USP32: variants seen among roughly 807,000 people sequenced by gnomAD.
USP32 encodes the protein ubiquitin carboxyl-terminal hydrolase 32.
In USP32, 59 loss-of-function variants were observed where a neutral mutation model predicts 204.8. That is an observed-to-expected ratio of 0.29 (90% CI 0.23 to 0.36). The LOEUF (loss-of-function observed/expected upper bound fraction) is 0.36. Ranked by LOEUF, USP32 falls within the 10% of genes least tolerant of loss-of-function variation. The pLI is 1.00. For missense variants in USP32, 1,160 were observed against 1,946.4 expected, an observed-to-expected ratio of 0.60 and a Z score of 7.60; for synonymous variants, 517 against 678.4, an observed-to-expected ratio of 0.76 and a Z score of 3.70.
intron 1 of USP32, among the ~76,000 whole-genome samples, chr17:60,351,214 CACA>C (rs2088939054): frequency 6.6e-6 from 1 of 152,040 alleles, no homozygotes; most frequent in South Asian, 2.1e-4. Flanking sequence ...ACCCTTGCAG[CACA>C]AGGCAATCAG....
intron 11 of USP32, among the ~76,000 whole-genome samples, chr17:60,237,316 T>A (rs2085758194): frequency 6.6e-6 from 1 of 151,432 alleles, no homozygotes; most frequent in African/African-American, 2.4e-5. Context: ...TTTTTTTTTT[T>A]TTTTTTTTTA....
chr17:60,387,167 G>A (rs1252751064), intron 1 of USP32, among the ~76,000 whole-genome samples: 1 of 152,158 alleles, frequency 6.6e-6, no homozygotes, highest in Admixed American at 6.5e-5. Flanking sequence ...TATGCTAAAC[G>A]AACTAACATC....
At chr17:60,183,769 C>A (rs1264852462) in intron 30 of USP32, among the ~76,000 whole-genome samples, 1 of 152,232 alleles carries the variant, frequency 6.6e-6, no homozygotes, top group Non-Finnish European at 1.5e-5. Context: ...CCACCCTCCA[C>A]AGAGCCAGAA....
chr17:60,262,250 G>A (rs765917563), intron 9 of USP32, among the ~76,000 whole-genome samples: 36 of 152,186 alleles, frequency 2.4e-4, no homozygotes, highest in Non-Finnish European at 1.0e-4. Context: ...GGAGTGCAAT[G>A]GTGTCATCTT....
At chr17:60,332,319 A>C (rs2088408681) in intron 2 of USP32, among the ~76,000 whole-genome samples, 1 of 152,008 alleles carries the variant, frequency 6.6e-6, no homozygotes, top group Admixed American at 6.5e-5. Flanking sequence ...AAACACAATG[A>C]AGAAAACAAA....
In USP32 at chr17:60,367,047, T is replaced by C. The variant is rs529467906; in HGVS notation, c.59-21439A>G. ...TTTCACCGTGTTAGCCAGGATGGTCTCAATCTCCTGACCTTGTGATCCGCC... is the reference window on the plus strand; with the variant it reads ...TTTCACCGTGTTAGCCAGGATGGTCCCAATCTCCTGACCTTGTGATCCGCC... On this transcript the variant is annotated intron_variant, in intron 1 of 33. Coordinates refer to ENST00000300896, the MANE Select transcript of USP32 (RefSeq NM_032582.4). Among the ~76,000 whole-genome samples, 287 of 152,246 alleles carry C rather than the reference T, an allele frequency of 1.9e-3. 1 individual carries two copies. Among genetic ancestry groups the C allele is most frequent in the African/African-American group, 6.5e-3 (268 of 41,546 alleles).
Position 60,388,882 on chromosome 17 carries a change from CAGTA to C in USP32, c.58+2996_58+2999del, listed in dbSNP as rs565424863. Among the ~76,000 whole-genome samples the C allele has an allele frequency of 6.6e-5, 10 of 152,252 alleles. No individual in the cohort carries two copies. In the South Asian group the frequency reaches 1.9e-3, roughly 28 times the overall value. On this transcript the variant is annotated intron_variant, in intron 1 of 33. Transcript: ENST00000300896. ...ACTAGACTGCCCTTCCACTCAGGCCCAGTAAGTGTTATCTGTCATTAACATAACA... is the reference window on the plus strand; with the variant it reads ...ACTAGACTGCCCTTCCACTCAGGCCCAGTGTTATCTGTCATTAACATAACA...
intron 2 of USP32, among the ~76,000 whole-genome samples, chr17:60,322,972 G>A (rs2088148634): frequency 6.6e-6 from 1 of 152,012 alleles, no homozygotes; most frequent in African/African-American, 2.4e-5. Flanking sequence ...TACCCACTAG[G>A]ACAGCTATAA....
intron 1 of USP32, among the ~76,000 whole-genome samples, chr17:60,377,543 T>C (rs1274137081): frequency 6.6e-6 from 1 of 152,224 alleles, no homozygotes; most frequent in Non-Finnish European, 1.5e-5. Context: ...CTCATTCTTA[T>C]GGTAGAGACT....
At chr17:60,257,731 A>G (rs1310419118) in intron 9 of USP32, among the ~76,000 whole-genome samples, 5 of 151,572 alleles carry the variant, frequency 3.3e-5, no homozygotes, top group Admixed American at 6.6e-5. Flanking sequence ...CAATCCTCCT[A>G]CCTTGGCCTC....
chr17:60,350,490 C>T (rs1184275428), intron 1 of USP32, among the ~76,000 whole-genome samples: 1 of 152,040 alleles, frequency 6.6e-6, no homozygotes, highest in Non-Finnish European at 1.5e-5. Context: ...GGTTTCACCA[C>T]GTTGGCCAGG....
chr17:60,329,914 A>T (rs1005635400), intron 2 of USP32, among the ~76,000 whole-genome samples: 1 of 152,226 alleles, frequency 6.6e-6, no homozygotes, highest in Admixed American at 6.5e-5. Flanking sequence ...ACTACAAGAG[A>T]TACTCAGAGC....
At chr17:60,283,590 G>C (rs2145832637) in intron 5 of USP32, among the ~76,000 whole-genome samples, 1 of 151,662 alleles carries the variant, frequency 6.6e-6, no homozygotes, top group Admixed American at 6.6e-5. Flanking sequence ...ACAAGGAAAA[G>C]TCAAAGGTTA....
chr17:60,196,495 T>A (rs2084521561), intron 27 of USP32, among the ~76,000 whole-genome samples: 1 of 152,202 alleles, frequency 6.6e-6, no homozygotes, highest in African/African-American at 2.4e-5. Context: ...TTTATTTAAA[T>A]CTTAAAATAA....
intron 1 of USP32, among the ~76,000 whole-genome samples, chr17:60,364,239 G>T (rs1168755521): frequency 2.0e-5 from 3 of 152,196 alleles, no homozygotes; most frequent in African/African-American, 7.2e-5. Flanking sequence ...GAGCCCTCAT[G>T]AAGTAATCAT....
chr17:60,399,485 T>C (rs1468043681), intron 1 of USP32, among the ~76,000 whole-genome samples: 1 of 151,606 alleles, frequency 6.6e-6, no homozygotes, highest in Non-Finnish European at 1.5e-5. Flanking sequence ...CAAGAGCCTG[T>C]CTCTACAAAA....
chr17:60,346,606 A>G (rs2146007570), intron 1 of USP32, among the ~76,000 whole-genome samples: 1 of 152,230 alleles, frequency 6.6e-6, no homozygotes, highest in East Asian at 1.9e-4. Flanking sequence ...TATGCATTGA[A>G]AACTTTTTTT....
At chr17:60,211,174 T>C in intron 20 of USP32, 56 bp from the exon 21 acceptor site, 2 of 1,590,526 alleles carry the variant, frequency 1.3e-6, no homozygotes, top group Non-Finnish European at 1.7e-6. Flanking sequence ...CACAATCATG[T>C]GGGCGCAAAA....
At chr17:60,246,089 C>A (rs1256153595) in intron 11 of USP32, among the ~76,000 whole-genome samples, 2 of 151,786 alleles carry the variant, frequency 1.3e-5, no homozygotes, top group African/African-American at 4.8e-5. Context: ...ACTATAGTTA[C>A]CCTACTGTGC....
Sources: allele counts gnomAD v4.1 joint callset (sites outside exome capture counted in the v4.1 genomes callset), GRCh38; gene constraint gnomAD v4.1.1; transcripts MANE v1.5; gene names NCBI Gene and HGNC (gene_info 2026-07-23, HGNC 2026-07-21).